THSD7B: variants seen among roughly 807,000 people sequenced by gnomAD.
The protein encoded by THSD7B is thrombospondin type 1 domain containing 7B.
Under a neutral mutation model 213.6 loss-of-function variants are expected in THSD7B, and 138 were observed. That is an observed-to-expected ratio of 0.65 (90% CI 0.56 to 0.74). THSD7B has a LOEUF of 0.74. Ranked by LOEUF, THSD7B falls within the 30% of genes least tolerant of loss-of-function variation. The pLI, the probability that THSD7B is intolerant of heterozygous loss-of-function variation, is 0.00. For synonymous variants in THSD7B, 742 were observed against 687.0 expected (o/e 1.08, Z -1.25); for missense variants, 1,931 against 1,991.5 (o/e 0.97, Z 0.58).
Position 137,450,540 on chromosome 2 carries a change from G to C in THSD7B, c.2960-305G>C, listed in dbSNP as rs11894670. Among the ~76,000 whole-genome samples, 776 of 152,296 alleles carry C rather than the reference G, an allele frequency of 5.1e-3. 3 individuals are homozygous for C. The highest frequency in any genetic ancestry group is 0.018 in the African/African-American group (733 of 41,564). ...AGGGAAACACAAGGCCTAGTGAGGGGAGATGGCTCCATCTTTAGCCCTGAG... is the reference window on the plus strand; with the variant it reads ...AGGGAAACACAAGGCCTAGTGAGGGCAGATGGCTCCATCTTTAGCCCTGAG... On this transcript the variant is annotated intron_variant, in intron 14 of 27. Coordinates refer to ENST00000409968, the MANE Select transcript of THSD7B (RefSeq NM_001316349.2).
At chr2:137,152,462 G>A (rs1335748831) in intron 5 of THSD7B, among the ~76,000 whole-genome samples, 1 of 152,136 alleles carries the variant, frequency 6.6e-6, no homozygotes, top group Non-Finnish European at 1.5e-5. Flanking sequence ...TAAGAAGCCT[G>A]GAGTTTGTCA....
intron 2 of THSD7B, among the ~76,000 whole-genome samples, chr2:136,927,611 A>G (rs1414878821): frequency 6.6e-6 from 1 of 152,224 alleles, no homozygotes; most frequent in Admixed American, 6.5e-5. Flanking sequence ...TTGAGTTAGC[A>G]TTTCTGAGGA....
At chr2:137,414,378 G>A (rs186792875) in intron 14 of THSD7B, among the ~76,000 whole-genome samples, 28 of 152,038 alleles carry the variant, frequency 1.8e-4, no homozygotes, top group African/African-American at 5.5e-4. Flanking sequence ...TCTTTTAATG[G>A]TTACTAATAA....
intron 2 of THSD7B, among the ~76,000 whole-genome samples, chr2:136,962,760 A>G (rs566691980): frequency 6.6e-6 from 1 of 152,200 alleles, no homozygotes; most frequent in Non-Finnish European, 1.5e-5. Context: ...CACTACAGAA[A>G]ATAATAAACA....
chr2:137,129,859 G>C (rs1688697265), intron 5 of THSD7B, among the ~76,000 whole-genome samples: 1 of 152,194 alleles, frequency 6.6e-6, no homozygotes. Context: ...CCTAACTTAT[G>C]AAATAGTCCT....
chr2:137,491,484 CTTAA>C (rs1431242967), intron 15 of THSD7B, among the ~76,000 whole-genome samples: 1 of 152,158 alleles, frequency 6.6e-6, no homozygotes, highest in Non-Finnish European at 1.5e-5. Flanking sequence ...AAGTCATGTG[CTTAA>C]TTGTATTTAT....
At chr2:137,229,148 ACC>A (rs1316186432) in intron 7 of THSD7B, among the ~76,000 whole-genome samples, 1 of 152,036 alleles carries the variant, frequency 6.6e-6, no homozygotes, top group Non-Finnish European at 1.5e-5. Flanking sequence ...AACCCTCACC[ACC>A]TTTCCCCTTA....
chr2:137,614,038 C>T (rs1008484215), intron 17 of THSD7B, among the ~76,000 whole-genome samples: 1 of 152,030 alleles, frequency 6.6e-6, no homozygotes, highest in Non-Finnish European at 1.5e-5. Flanking sequence ...GGCTGAATCA[C>T]GTTCATGGAT....
intron 15 of THSD7B, among the ~76,000 whole-genome samples, chr2:137,519,157 C>T (rs1210145206): frequency 6.6e-6 from 1 of 152,016 alleles, no homozygotes; most frequent in East Asian, 1.9e-4. Context: ...GAGGGTGAGG[C>T]AGGAGAATCA....
intron 11 of THSD7B, among the ~76,000 whole-genome samples, chr2:137,274,455 A>G (rs936896941): frequency 2.6e-5 from 4 of 152,106 alleles, no homozygotes; most frequent in African/African-American, 9.7e-5. Context: ...CTTTATCCCT[A>G]TGTAGAATTG....
At chr2:136,966,508 T>C (rs568896072) in intron 2 of THSD7B, among the ~76,000 whole-genome samples, 1 of 152,344 alleles carries the variant, frequency 6.6e-6, no homozygotes, top group South Asian at 2.1e-4. Context: ...TGAGCCGCTG[T>C]GTCCAGCCAA....
At chr2:137,397,281 A>G (rs535270339) in intron 12 of THSD7B, among the ~76,000 whole-genome samples, 2 of 152,226 alleles carry the variant, frequency 1.3e-5, no homozygotes, top group East Asian at 1.9e-4. Context: ...ACATTTGGGC[A>G]TGATTTTGCA....
chr2:137,242,983 T>C (rs1238024560), intron 10 of THSD7B, among the ~76,000 whole-genome samples: 1 of 152,168 alleles, frequency 6.6e-6, no homozygotes, highest in African/African-American at 2.4e-5. Flanking sequence ...ACATCACTGA[T>C]TAATATAAGT....
intron 14 of THSD7B, among the ~76,000 whole-genome samples, chr2:137,439,178 T>C (rs1158752209): frequency 6.6e-6 from 1 of 152,084 alleles, no homozygotes; most frequent in African/African-American, 2.4e-5. Flanking sequence ...GAAAGAATAA[T>C]TTTTTCTTTT....
At chr2:137,428,064 C>T (rs1687098429) in intron 14 of THSD7B, among the ~76,000 whole-genome samples, 1 of 151,998 alleles carries the variant, frequency 6.6e-6, no homozygotes, top group African/African-American at 2.4e-5. Context: ...TGATAAGAGA[C>T]TTGTATGCAG....
intron 2 of THSD7B, among the ~76,000 whole-genome samples, chr2:136,961,690 A>G (rs1466670538): frequency 6.6e-6 from 1 of 152,210 alleles, no homozygotes; most frequent in Non-Finnish European, 1.5e-5. Flanking sequence ...TGTTTGAAGA[A>G]GATAAACTAT....
intron 2 of THSD7B, among the ~76,000 whole-genome samples, chr2:137,046,891 C>T (rs1032723550): frequency 6.6e-6 from 1 of 152,000 alleles, no homozygotes; most frequent in African/African-American, 2.4e-5. Flanking sequence ...TAAAGGAGTA[C>T]GATGGGCCTG....
chr2:136,855,602 A>ATTTATTTATTTAT (rs111285205), intron 1 of THSD7B, among the ~76,000 whole-genome samples: 1 of 19,328 alleles, frequency 5.2e-5, no homozygotes, highest in Non-Finnish European at 1.9e-4. Flanking sequence ...TTATTTATTT[A>ATTTATTTATTTAT]TTATTTATTT....
In THSD7B at chr2:137,190,150, A is replaced by G. The variant is rs142370438; in HGVS notation, c.1723+19212A>G. On this transcript the variant is annotated intron_variant, in intron 7 of 27. Transcript: ENST00000409968. ...ATGTAGGCTTCCGCTGGATGTGACT[A>G]ACTAGAGAATTTCTGCTGCTTATTG... Among the ~76,000 whole-genome samples, 20 of 152,304 alleles carry G rather than the reference A, an allele frequency of 1.3e-4. No homozygotes were observed. The South Asian group carries it at 2.7e-3, about 21-fold the overall frequency.
Sources: allele counts gnomAD v4.1 joint callset (sites outside exome capture counted in the v4.1 genomes callset), GRCh38; gene constraint gnomAD v4.1.1; transcripts MANE v1.5; gene names NCBI Gene and HGNC (gene_info 2026-07-23, HGNC 2026-07-21).